The following HEATR5A variants were observed in gnomAD, a reference collection of about 807,000 sequenced individuals.
HEATR5A encodes HEAT repeat containing 5A.
Under a neutral mutation model 218.8 loss-of-function variants are expected in HEATR5A, and 178 were observed. The observed-to-expected ratio is 0.81, with a 90% CI of 0.72 to 0.92. The LOEUF is 0.92. Among genes scored for constraint, HEATR5A ranks in the 40% least tolerant of loss-of-function variants. The pLI, the probability that HEATR5A is intolerant of heterozygous loss-of-function variation, is 0.00. For synonymous variants in HEATR5A, 864 were observed against 871.6 expected, an observed-to-expected ratio of 0.99 and a Z score of 0.15; for missense variants, 2,420 against 2,418.9, an observed-to-expected ratio of 1.00 and a Z score of -0.01.
At position 31,388,984 on chromosome 14, in the gene HEATR5A, C is replaced by T. The variant is rs61754289; in HGVS notation, c.794G>A (p.Arg265His). Residue 265 changes from arginine (R) to histidine (H), a missense_variant, in exon 7 of 36, where the codon CGC becomes CAC. By Grantham distance (29) the Arg-to-His change is conservative (BLOSUM62 0). Transcript: ENST00000543095. ...PGTAASRQSI[R>H]RVSLEEVLEL... ...CAGAACTTCCTCCAAAGATACTCTG[C>T]GAATGCTTTGACGTGAGGCTGCTAT... 1.2e-4 allele frequency: 191 copies of T among 1,612,522 alleles called. No individual in the cohort carries two copies. Among genetic ancestry groups the T allele is most frequent in the Middle Eastern group, 1.7e-4 (1 of 6,056 alleles).
At chr14:31,359,729 CAAAAAAAAAAAA>C (rs376157768) in intron 14 of HEATR5A, among the ~76,000 whole-genome samples, 2 of 32,198 alleles carry the variant, frequency 6.2e-5, no homozygotes, top group Admixed American at 3.4e-4. Flanking sequence ...CATCTCAAGA[CAAAAAAAAAAAA>C]AAAAAAAAAA....
intron 23 of HEATR5A, among the ~76,000 whole-genome samples, chr14:31,325,484 A>ATATGTATGTATG (rs543647892): frequency 7.4e-4 from 105 of 142,284 alleles, no homozygotes; most frequent in African/African-American, 2.8e-3. Flanking sequence ...ATGTATGAAC[A>ATATGTATGTATG]TATGTATGTA....
intron 6 of HEATR5A, among the ~76,000 whole-genome samples, chr14:31,391,099 G>C (rs80017702): frequency 0.011 from 1,634 of 152,176 alleles, 25 homozygotes; most frequent in African/African-American, 0.036. Flanking sequence ...ATAGAACAAG[G>C]ATACAAGGAT....
chr14:31,366,228 T>G (rs1393535291), intron 13 of HEATR5A, among the ~76,000 whole-genome samples: 5 of 152,108 alleles, frequency 3.3e-5, no homozygotes, highest in Admixed American at 2.0e-4. Context: ...GAGCTATGAC[T>G]GCGCCACTGC....
At chr14:31,386,328 G>T in intron 9 of HEATR5A, 92 bp downstream of exon 9, 2 of 858,816 alleles carry the variant, frequency 2.3e-6, no homozygotes, top group Admixed American at 3.2e-5. Flanking sequence ...AATCTATAAT[G>T]GAATCTATAA....
chr14:31,376,558 G>A (rs551278492), intron 11 of HEATR5A, among the ~76,000 whole-genome samples: 5 of 152,006 alleles, frequency 3.3e-5, no homozygotes, highest in Non-Finnish European at 7.4e-5. Context: ...ACACATACAC[G>A]CACACTTTAT....
intron 22 of HEATR5A, among the ~76,000 whole-genome samples, chr14:31,337,079 G>A (rs1193863184): frequency 6.6e-6 from 1 of 152,190 alleles, no homozygotes; most frequent in African/African-American, 2.4e-5. Flanking sequence ...ATAATCTTAT[G>A]GGACCACTGT....
intron 14 of HEATR5A, among the ~76,000 whole-genome samples, chr14:31,363,291 T>C (rs1340098485): frequency 6.6e-6 from 1 of 152,084 alleles, no homozygotes; most frequent in Non-Finnish European, 1.5e-5. Context: ...CAAGATACTA[T>C]TGTAAAAATC....
At chr14:31,359,152 G>T in intron 14 of HEATR5A, 95 bp from the exon 15 acceptor site, 2 of 1,202,236 alleles carry the variant, frequency 1.7e-6, no homozygotes, top group Non-Finnish European at 2.3e-6. Flanking sequence ...GCACCCACTG[G>T]CCAACTTTAA....
At chr14:31,323,103 C>T (rs983702532) in intron 24 of HEATR5A, among the ~76,000 whole-genome samples, 3 of 152,134 alleles carry the variant, frequency 2.0e-5, no homozygotes, top group African/African-American at 4.8e-5. Flanking sequence ...AGTAAATGTT[C>T]ATACTATTTC....
chr14:31,404,627 C>A (rs778385897), intron 1 of HEATR5A, among the ~76,000 whole-genome samples: 1 of 152,166 alleles, frequency 6.6e-6, no homozygotes, highest in Non-Finnish European at 1.5e-5. Flanking sequence ...GGGTCCAGGG[C>A]CAGGCACAGT....
chr14:31,356,695 G>C (rs1483837880), intron 16 of HEATR5A, among the ~76,000 whole-genome samples: 1 of 152,002 alleles, frequency 6.6e-6, no homozygotes, highest in African/African-American at 2.4e-5. Context: ...TTATAACTTA[G>C]GTGGGGATAC....
intron 21 of HEATR5A, among the ~76,000 whole-genome samples, chr14:31,341,279 T>A (rs1900830462): frequency 6.6e-6 from 1 of 152,200 alleles, no homozygotes; most frequent in Non-Finnish European, 1.5e-5. Context: ...AATATAATAA[T>A]CTCTATTCTT....
At chr14:31,346,553 A>G (rs184477619) in intron 19 of HEATR5A, among the ~76,000 whole-genome samples, 1 of 152,312 alleles carries the variant, frequency 6.6e-6, no homozygotes, top group East Asian at 1.9e-4. Flanking sequence ...GTAAATGTAG[A>G]CATGAGAATG....
intron 23 of HEATR5A, chr14:31,325,926 A>C: frequency 1.8e-6 from 1 of 552,526 alleles, no homozygotes; most frequent in Non-Finnish European, 3.2e-6. Context: ...TATATAGGAA[A>C]GTCATCTAAG....
Position 31,307,885 on chromosome 14 carries a change from T to C in HEATR5A, c.4818+8A>G. On this transcript the variant is annotated splice_region_variant and intron_variant, in intron 30 of 35. Transcript: ENST00000543095. ...GAAGCCTTACAAAAAAAACCCCAGA[T>C]AAATCACCTGATCACTGCCAATTTT... The C allele has an allele frequency of 6.2e-7, 1 of 1,607,858 alleles. No homozygotes were observed. Among genetic ancestry groups the C allele is most frequent in the African/African-American group, 1.3e-5 (1 of 74,670 alleles).
In HEATR5A at chr14:31,374,962, G is replaced by A. The variant is rs1341117793; in HGVS notation, c.1715C>T (p.Ala572Val). 4.4e-6 allele frequency: 7 copies of A among 1,602,918 alleles called. No homozygotes were observed. The East Asian group carries it at 9.0e-5, about 21-fold the overall frequency. ...TCGAGCAAGGTGATGGCTAACAACT[G>A]CAGGACCTGTAATTTATTCAACTTG... is the stretch of plus-strand genomic sequence containing the variant. Reference protein sequence around the residue: ...LISALMTLGPAVVSHHLARVL... With the variant: ...LISALMTLGPVVVSHHLARVL... The change falls in exon 12 of 36, where the codon GCA becomes GTA. Residue 572 changes from alanine to valine, a missense_variant. By Grantham distance (64) the Ala-to-Val change is moderately conservative. Transcript: ENST00000543095.
At chr14:31,375,256 T>C (rs1902184239) in intron 11 of HEATR5A, among the ~76,000 whole-genome samples, 1 of 152,206 alleles carries the variant, frequency 6.6e-6, no homozygotes, top group Non-Finnish European at 1.5e-5. Context: ...ACATATTAAA[T>C]GAAGCTAAAG....
intron 8 of HEATR5A, among the ~76,000 whole-genome samples, 191 bp downstream of exon 8, chr14:31,386,929 C>T (rs1300526484): frequency 3.9e-5 from 6 of 152,112 alleles, no homozygotes; most frequent in African/African-American, 1.4e-4. Flanking sequence ...TAAGATGGTA[C>T]AGGAGCTGAG....
Sources: allele counts gnomAD v4.1 joint callset (sites outside exome capture counted in the v4.1 genomes callset), GRCh38; gene constraint gnomAD v4.1.1; transcripts MANE v1.5; gene names NCBI Gene and HGNC (gene_info 2026-07-23, HGNC 2026-07-21).